Variants in TCP11L1 observed in about 807,000 individuals in gnomAD.
TCP11L1 encodes the protein T-complex protein 11-like protein 1.
In TCP11L1, 28 loss-of-function variants were observed where a neutral mutation model predicts 48.9. That is an observed-to-expected ratio of 0.57 (90% CI 0.42 to 0.78). TCP11L1 has a LOEUF of 0.78. Among genes scored for constraint, TCP11L1 ranks in the 30% least tolerant of loss-of-function variants. TCP11L1 has a pLI of 0.00. For missense variants in TCP11L1, 505 were observed against 613.4 expected, an observed-to-expected ratio of 0.82 and a Z score of 1.87; for synonymous variants, 204 against 231.9, an observed-to-expected ratio of 0.88 and a Z score of 1.09.
chr11:33,064,485 T>A (rs1253389491), intron 7 of TCP11L1, among the ~76,000 whole-genome samples: 1 of 152,180 alleles, frequency 6.6e-6, no homozygotes, highest in East Asian at 1.9e-4. Context: ...CAGATTCCCA[T>A]CTGTGCAGCC....
intron 3 of TCP11L1, 96 bp from the exon 4 acceptor site, chr11:33,057,019 C>G: frequency 6.6e-7 from 1 of 1,526,444 alleles, no homozygotes; most frequent in African/African-American, 1.4e-5. Context: ...TGGGATTGAT[C>G]TTACCCTAAA....
At chr11:33,072,084 C>T (rs1854806668) in intron 9 of TCP11L1, among the ~76,000 whole-genome samples, 1 of 152,048 alleles carries the variant, frequency 6.6e-6, no homozygotes, top group Non-Finnish European at 1.5e-5. Context: ...CCTCAGGTGA[C>T]CCGCCCACCT....
At chr11:33,049,229 A>G (rs1854085312) in intron 2 of TCP11L1, among the ~76,000 whole-genome samples, 1 of 144,540 alleles carries the variant, frequency 6.9e-6, no homozygotes, top group Non-Finnish European at 1.5e-5. Context: ...CAGCCTCGTG[A>G]CAGAGCAAGA....
chr11:33,068,670 C>G lies in TCP11L1; in HGVS notation c.1155-17C>G. Reference sequence around the variant, plus strand: ...TGTATTTTACTTATAGGCCCTTTCTCCCCTCCTCTGCCCCAGCTCCTTCCA... The same window carrying G: ...TGTATTTTACTTATAGGCCCTTTCTGCCCTCCTCTGCCCCAGCTCCTTCCA... On this transcript the variant is annotated splice_polypyrimidine_tract_variant and intron_variant, in intron 8 of 9. Transcript: ENST00000334274. The G allele has an allele frequency of 6.2e-7, 1 of 1,611,304 alleles. No homozygotes were observed. The highest frequency in any genetic ancestry group is 8.5e-7 in the Non-Finnish European group (1 of 1,177,850).
chr11:33,041,521 C>T (rs981516850), intron 1 of TCP11L1, among the ~76,000 whole-genome samples: 1 of 152,244 alleles, frequency 6.6e-6, no homozygotes, highest in East Asian at 1.9e-4. Flanking sequence ...GAGGCTGAGG[C>T]GGGCGGATCA....
intron 1 of TCP11L1, chr11:33,041,361 G>A (rs1853827010): frequency 6.6e-6 from 1 of 152,216 alleles, no homozygotes; most frequent in Admixed American, 6.5e-5. Context: ...GACCCTAATA[G>A]GATTTAGGAC....
chr11:33,047,644 A>G (rs564590525), intron 2 of TCP11L1, among the ~76,000 whole-genome samples: 1 of 152,222 alleles, frequency 6.6e-6, no homozygotes, highest in African/African-American at 2.4e-5. Context: ...GCTCATGACT[A>G]GACTTTGAAT....
At chr11:33,042,508 C>T (rs911639717) in intron 1 of TCP11L1, among the ~76,000 whole-genome samples, 2 of 152,062 alleles carry the variant, frequency 1.3e-5, no homozygotes, top group African/African-American at 4.8e-5. Context: ...TGATCAGCAA[C>T]TAATAAAAAG....
At chr11:33,044,124 G>C in intron 2 of TCP11L1, 188 bp downstream of exon 2, 1 of 522,498 alleles carries the variant, frequency 1.9e-6, no homozygotes, top group South Asian at 3.6e-5. Context: ...AATTGCATGG[G>C]AAATTAACAA....
At chr11:33,056,094 G>C (rs762760659) in intron 3 of TCP11L1, among the ~76,000 whole-genome samples, 2 of 152,022 alleles carry the variant, frequency 1.3e-5, no homozygotes, top group African/African-American at 2.4e-5. Context: ...GGGACTACAG[G>C]TGTGAGCCAC....
intron 2 of TCP11L1, among the ~76,000 whole-genome samples, chr11:33,046,812 A>G (rs1854009325): frequency 6.6e-6 from 1 of 152,276 alleles, no homozygotes; most frequent in Non-Finnish European, 1.5e-5. Flanking sequence ...GTAAATTTGT[A>G]GCTACTGAGT....
chr11:33,054,733 G>C lies in TCP11L1; in HGVS notation c.296+8G>C, dbSNP rs756613987. 1 of 1,609,528 alleles carries C rather than the reference G, an allele frequency of 6.2e-7. No homozygotes were observed. The highest frequency in any genetic ancestry group is 8.5e-7 in the Non-Finnish European group (1 of 1,178,246). ...TGAATTACCAGAAAACAGGTAAGGT[G>C]GTTGCTAAATTATCTTGCTTAGTAG... On this transcript the variant is annotated splice_region_variant and intron_variant, in intron 3 of 9. Coordinates refer to ENST00000334274, the MANE Select transcript of TCP11L1 (RefSeq NM_018393.4).
chr11:33,070,552 G>A (rs1286799988), intron 9 of TCP11L1, among the ~76,000 whole-genome samples: 3 of 151,636 alleles, frequency 2.0e-5, no homozygotes, highest in African/African-American at 7.3e-5. Context: ...AGGCATGGTG[G>A]TGCATGCCTG....
In TCP11L1 at chr11:33,072,979, T is replaced by G. The variant is rs1225939589; in HGVS notation, c.*303T>G. The G allele has an allele frequency of 2.7e-6, 1 of 375,368 alleles. No homozygotes were observed. Among genetic ancestry groups the G allele is most frequent in the Non-Finnish European group, 5.0e-6 (1 of 200,206 alleles). The allele number at this position is 375,368 out of a possible 1,614,324, so 23.3% of individuals were successfully genotyped here. ...CCCCATCATGTCCTTCCAAGGAGGCTGGGACCTCTCTCTTCTGCAATCTGG... is the reference window on the plus strand; with the variant it reads ...CCCCATCATGTCCTTCCAAGGAGGCGGGGACCTCTCTCTTCTGCAATCTGG... On this transcript the variant is annotated 3_prime_UTR_variant, in exon 10 of 10. Coordinates refer to ENST00000334274, the MANE Select transcript of TCP11L1 (RefSeq NM_018393.4).
At chr11:33,062,681 C>T (rs1052652171) in intron 7 of TCP11L1, among the ~76,000 whole-genome samples, 7 of 152,334 alleles carry the variant, frequency 4.6e-5, no homozygotes, top group African/African-American at 1.7e-4. Flanking sequence ...CCATTGCCCC[C>T]GCCCTCTGGC....
chr11:33,042,414 G>T (rs1020730101), intron 1 of TCP11L1, among the ~76,000 whole-genome samples: 7 of 152,162 alleles, frequency 4.6e-5, no homozygotes, highest in African/African-American at 1.7e-4. Flanking sequence ...GGTGGCTCAT[G>T]CCTGTAATCC....
chr11:33,071,404 C>T (rs968335942), intron 9 of TCP11L1, among the ~76,000 whole-genome samples: 6 of 152,154 alleles, frequency 3.9e-5, no homozygotes, highest in African/African-American at 1.2e-4. Flanking sequence ...GTTATTTGCA[C>T]CTGAGAGGAT....
At chr11:33,072,415 C>T in intron 9 of TCP11L1, 59 bp from the exon 10 acceptor site, 1 of 1,579,488 alleles carries the variant, frequency 6.3e-7, no homozygotes, top group East Asian at 2.2e-5. Context: ...AACTGAAGCA[C>T]AGTAAGGTTT....
chr11:33,062,231 A>G (rs371354335), intron 7 of TCP11L1, among the ~76,000 whole-genome samples: 2 of 152,320 alleles, frequency 1.3e-5, no homozygotes, highest in East Asian at 3.9e-4. Flanking sequence ...ATCCATTGCC[A>G]CTGTTTAATT....
Sources: allele counts gnomAD v4.1 joint callset (sites outside exome capture counted in the v4.1 genomes callset), GRCh38; gene constraint gnomAD v4.1.1; transcripts MANE v1.5; gene names NCBI Gene and HGNC (gene_info 2026-07-23, HGNC 2026-07-21).